KIAA0513: variants seen among roughly 807,000 people sequenced by gnomAD.
KIAA0513 encodes KIAA0513.
A neutral mutation model predicts 56.5 loss-of-function variants in KIAA0513; 39 were observed. The ratio of observed to expected loss-of-function variants is 0.69; its 90% confidence interval spans 0.53 to 0.90. The LOEUF (loss-of-function observed/expected upper bound fraction) is 0.90. KIAA0513 is among the 40% of genes least tolerant of loss of function. KIAA0513 has a pLI of 0.00. For synonymous variants in KIAA0513, 268 were observed against 215.6 expected (o/e 1.24, Z -2.13); for missense variants, 591 against 535.2 (o/e 1.10, Z -1.03).
intron 1 of KIAA0513, among the ~76,000 whole-genome samples, chr16:85,040,221 A>G (rs1307006230): frequency 1.3e-5 from 2 of 152,188 alleles, no homozygotes; most frequent in African/African-American, 4.8e-5. Flanking sequence ...GGAATTTTCA[A>G]CTGGAGACAT....
intron 2 of KIAA0513, among the ~76,000 whole-genome samples, chr16:85,070,504 C>A (rs1469830092): frequency 6.6e-6 from 1 of 152,042 alleles, no homozygotes; most frequent in Non-Finnish European, 1.5e-5. Context: ...ATGATGAAAC[C>A]CCGTCTCTAC....
chr16:85,058,322 C>T (rs2073357897), intron 1 of KIAA0513, among the ~76,000 whole-genome samples: 1 of 152,188 alleles, frequency 6.6e-6, no homozygotes, highest in African/African-American at 2.4e-5. Flanking sequence ...AAATTGATTT[C>T]ATGTATGCCT....
intron 1 of KIAA0513, among the ~76,000 whole-genome samples, chr16:85,064,820 GA>G (rs2073455361): frequency 6.6e-6 from 1 of 152,108 alleles, no homozygotes; most frequent in Admixed American, 6.5e-5. Context: ...TGAGTAGCTG[GA>G]TTACAGGCAA....
In KIAA0513 at chr16:85,050,099, T is replaced by G. The variant is rs148202245; in HGVS notation, c.-172-16801T>G. 3.2e-3 allele frequency among the ~76,000 whole-genome samples: 488 copies of G among 151,754 alleles called. 3 individuals carry two copies. The highest frequency in any genetic ancestry group is 0.011 in the African/African-American group (458 of 41,388). On this transcript the variant is annotated intron_variant, in intron 1 of 12. Transcript: ENST00000683363. ...GTTGCAATGGAACCAACTCAGTCAA[T>G]GGTGATCGCTGATGGTAAACAACCC...
intron 8 of KIAA0513, among the ~76,000 whole-genome samples, chr16:85,080,565 G>A (rs994196252): frequency 2.1e-4 from 32 of 152,106 alleles, no homozygotes; most frequent in Admixed American, 1.6e-3. Context: ...AGGCCAAAGC[G>A]GGTAGATTAC....
chr16:85,056,771 C>A (rs552160588), intron 1 of KIAA0513, among the ~76,000 whole-genome samples: 95 of 152,316 alleles, frequency 6.2e-4, no homozygotes, highest in African/African-American at 2.1e-3. Context: ...GTGATCATAG[C>A]TTACTGTAGC....
intron 3 of KIAA0513, among the ~76,000 whole-genome samples, chr16:85,072,344 C>G (rs1401306138): frequency 1.3e-5 from 2 of 152,078 alleles, no homozygotes; most frequent in African/African-American, 4.8e-5. Flanking sequence ...TATGTGCGTG[C>G]ATATTTTTAT....
At chr16:85,070,884 G>T (rs537608476) in intron 2 of KIAA0513, among the ~76,000 whole-genome samples, 1 of 152,274 alleles carries the variant, frequency 6.6e-6, no homozygotes, top group African/African-American at 2.4e-5. Context: ...TAGCCCATCA[G>T]CAATACGGAA....
chr16:85,092,843 A>G lies in KIAA0513; in HGVS notation c.*4518A>G. 6.6e-6 allele frequency: 1 copy of G among 152,372 alleles called. No individual in the cohort carries two copies. 9.4% of individuals were successfully genotyped at this position (152,372 alleles called of 1,614,324 possible). A position where few individuals can be genotyped will look rare whatever the true frequency, so the allele number is the denominator to read the frequency against. On this transcript the variant is annotated 3_prime_UTR_variant, in exon 13 of 13. Transcript: ENST00000683363. ...GCCACACAGGCCACGCACCCCAGGA[A>G]CCCTTGCTGCCGCGGGCCAGGAACA...
intron 1 of KIAA0513, among the ~76,000 whole-genome samples, chr16:85,066,666 T>C (rs2073486061): frequency 6.6e-6 from 1 of 152,202 alleles, no homozygotes; most frequent in East Asian, 1.9e-4. Context: ...GGCCGTGTGC[T>C]GACAGTCTGA....
intron 10 of KIAA0513, 51 bp downstream of exon 10, chr16:85,082,644 A>T (rs1300220052): frequency 1.9e-6 from 3 of 1,583,334 alleles, no homozygotes; most frequent in Non-Finnish European, 1.7e-6. Context: ...GGCTCCTGCG[A>T]AGGCCACTGC....
At chr16:85,088,109 G>T (rs2073830336) in intron 12 of KIAA0513, among the ~76,000 whole-genome samples, 167 bp from the exon 13 acceptor site, 1 of 152,264 alleles carries the variant, frequency 6.6e-6, no homozygotes, top group African/African-American at 2.4e-5. Flanking sequence ...GCACAGCCCT[G>T]CCCTGAAGCA....
chr16:85,036,584 C>T (rs1429197209), intron 1 of KIAA0513, among the ~76,000 whole-genome samples: 1 of 151,624 alleles, frequency 6.6e-6, no homozygotes, highest in East Asian at 1.9e-4. Context: ...TCTCCATCTG[C>T]CCTCTTGCAG....
intron 9 of KIAA0513, 138 bp from the exon 10 acceptor site, chr16:85,082,426 C>T (rs576790029): frequency 1.3e-5 from 10 of 786,258 alleles, no homozygotes; most frequent in Non-Finnish European, 1.9e-5. Context: ...GAATTTATTT[C>T]GAATATTCCT....
At chr16:85,060,693 A>AGTT (rs2073391559) in intron 1 of KIAA0513, among the ~76,000 whole-genome samples, 1 of 152,094 alleles carries the variant, frequency 6.6e-6, no homozygotes, top group Non-Finnish European at 1.5e-5. Context: ...AATAATAATA[A>AGTT]GTTAGCCAGG....
intron 1 of KIAA0513, among the ~76,000 whole-genome samples, chr16:85,062,589 G>C (rs908545912): frequency 2.0e-5 from 3 of 152,206 alleles, no homozygotes; most frequent in South Asian, 4.1e-4. Flanking sequence ...GTAGAACGAA[G>C]CAGATGGGCT....
At chr16:85,028,289 G>A (rs1168272707) in intron 1 of KIAA0513, among the ~76,000 whole-genome samples, 1 of 152,168 alleles carries the variant, frequency 6.6e-6, no homozygotes, top group Non-Finnish European at 1.5e-5. Flanking sequence ...GGGCATTCTG[G>A]GGAGAGGGTG....
Position 85,081,087 on chromosome 16 carries a change from T to TG in KIAA0513, c.903-227dup, listed in dbSNP as rs1266801183. Reference sequence around the variant, plus strand: ...GGTTATCATAGCTTTCCCTCCCACTTGCGCCATCTCTCCTAAGAGATACGC... The same window carrying TG: ...GGTTATCATAGCTTTCCCTCCCACTTGGCGCCATCTCTCCTAAGAGATACGC... On this transcript the variant is annotated intron_variant, in intron 8 of 12. Transcript: ENST00000683363. The surrounding 1 kb of genome is among the most constrained non-coding windows in gnomAD (Gnocchi z 4.4). 6.6e-6 allele frequency among the ~76,000 whole-genome samples: 1 copy of TG among 152,236 alleles called. No individual in the cohort carries two copies. Among genetic ancestry groups the TG allele is most frequent in the Non-Finnish European group, 1.5e-5 (1 of 68,036 alleles).
rs11548970 is a variant in KIAA0513 at position 85,093,437 on chromosome 16, A to G, written c.*5112A>G. The G allele has an allele frequency of 0.062, 9,391 of 152,678 alleles. 350 individuals carry two copies. Among genetic ancestry groups the G allele is most frequent in the South Asian group, 0.099 (478 of 4,824 alleles). The allele number at this position is 152,678 out of a possible 1,614,324, so 9.5% of individuals were successfully genotyped here. ...TATCTGCAGACTCTGGGACCTGACA[A>G]AACAGTCAGAGCCTGAGTGCACTGC... is the stretch of plus-strand genomic sequence containing the variant. On this transcript the variant is annotated 3_prime_UTR_variant, in exon 13 of 13. Coordinates refer to ENST00000683363, the MANE Select transcript of KIAA0513 (RefSeq NM_001388359.1).
Sources: gnomAD v4.1 joint callset for allele counts (sites outside exome capture counted in the v4.1 genomes callset) on GRCh38, gnomAD v4.1.1 for gene constraint, Gnocchi (gnomAD v3.1) non-coding constraint, MANE v1.5 for transcripts, NCBI Gene and HGNC (gene_info 2026-07-23, HGNC 2026-07-21) for gene names.